Variants in PCDHA1 observed in about 807,000 individuals in gnomAD.
PCDHA1 encodes protocadherin alpha 1, also known as protocadherin alpha-1.
A neutral mutation model predicts 61.3 loss-of-function variants in PCDHA1; 42 were observed. The ratio of observed to expected loss-of-function variants is 0.69; its 90% CI spans 0.54 to 0.89. The LOEUF is 0.89. PCDHA1 is among the 40% of genes least tolerant of loss of function. The probability of loss-of-function intolerance (pLI) is 0.00; values close to 1 mark genes in which losing one functional copy is unlikely to be tolerated. For missense variants in PCDHA1, 1,256 were observed against 1,235.3 expected, an observed-to-expected ratio of 1.02 and a Z score of -0.25; for synonymous variants, 610 against 553.8, an observed-to-expected ratio of 1.10 and a Z score of -1.43.
intron 1 of PCDHA1, chr5:140,876,688 T>A (rs1382110439): frequency 2.5e-6 from 4 of 1,614,172 alleles, no homozygotes; most frequent in Non-Finnish European, 3.4e-6. Context: ...GAATTACTAC[T>A]CGTTGGTGCT....
At chr5:140,945,761 G>T (rs2093839627) in intron 1 of PCDHA1, among the ~76,000 whole-genome samples, 1 of 152,118 alleles carries the variant, frequency 6.6e-6, no homozygotes, top group East Asian at 1.9e-4. Flanking sequence ...AATGGTGGTG[G>T]GACAATTTGA....
chr5:140,928,792 G>A (rs1190569981), intron 1 of PCDHA1: 2 of 1,614,048 alleles, frequency 1.2e-6, no homozygotes, highest in Non-Finnish European at 1.7e-6. Context: ...TAAGCAGAGG[G>A]TGGTGGTAGT....
chr5:140,914,364 A>T lies in PCDHA1; in HGVS notation c.2395-64585A>T, dbSNP rs1256559741. 2.0e-5 allele frequency among the ~76,000 whole-genome samples: 3 copies of T among 152,096 alleles called. No individual in the cohort carries two copies. The East Asian group carries it at 5.8e-4, about 29-fold the overall frequency. On this transcript the variant is annotated intron_variant, in intron 1 of 3. Transcript: ENST00000504120. ...CTCTTTTTGGAGTTTTTGTCTTGAG[A>T]TCTATTTTATCTGTTATAAGTGTAG...
At chr5:140,805,345 T>C (rs1763549365) in intron 1 of PCDHA1, 1 of 1,219,244 alleles carries the variant, frequency 8.2e-7, no homozygotes, top group Non-Finnish European at 1.0e-6. Flanking sequence ...GATCATTTTG[T>C]AAAAATATAG....
chr5:140,938,875 C>T (rs2092238013), intron 1 of PCDHA1, among the ~76,000 whole-genome samples: 1 of 151,912 alleles, frequency 6.6e-6, no homozygotes. Flanking sequence ...AGTTAAGAAG[C>T]AACACACACA....
At chr5:140,942,600 T>A (rs943278532) in intron 1 of PCDHA1, among the ~76,000 whole-genome samples, 2 of 132,144 alleles carry the variant, frequency 1.5e-5, no homozygotes, top group African/African-American at 6.2e-5. Flanking sequence ...ATAATTATAG[T>A]GTTTATATTT....
chr5:140,979,130 A>C, intron 2 of PCDHA1, 123 bp downstream of exon 2: 1 of 1,473,242 alleles, frequency 6.8e-7, no homozygotes, highest in Admixed American at 2.7e-5. Flanking sequence ...TTTGCCAGGA[A>C]AATGCAATTA....
At chr5:141,005,095 A>T (rs1554259887) in intron 3 of PCDHA1, among the ~76,000 whole-genome samples, 1 of 152,192 alleles carries the variant, frequency 6.6e-6, no homozygotes, top group South Asian at 2.1e-4. Flanking sequence ...CTTTACATGC[A>T]TTACATCATT....
intron 1 of PCDHA1, among the ~76,000 whole-genome samples, chr5:140,821,045 G>C (rs1445843647): frequency 1.3e-5 from 2 of 151,900 alleles, no homozygotes; most frequent in African/African-American, 4.8e-5. Context: ...AGAAACTCAG[G>C]TAAGAATGCC....
intron 1 of PCDHA1, chr5:140,967,750 C>G (rs782284231): frequency 6.2e-7 from 1 of 1,614,190 alleles, no homozygotes; most frequent in South Asian, 1.1e-5. Flanking sequence ...ATGAGGAAGC[C>G]TCCTCCTACC....
chr5:140,797,371 C>A (rs1762219904), intron 1 of PCDHA1: 2 of 1,605,614 alleles, frequency 1.2e-6, no homozygotes, highest in African/African-American at 1.3e-5. Context: ...TTTACTTTTT[C>A]TTGCCAATTC....
rs186341301 is a variant in PCDHA1 at position 140,890,770 on chromosome 5, A to G, written c.2395-88179A>G. Among the ~76,000 whole-genome samples the G allele has an allele frequency of 8.0e-3, 1,216 of 152,240 alleles. 6 individuals are homozygous for G. Among genetic ancestry groups the G allele is most frequent in the African/African-American group, 0.019 (786 of 41,520 alleles). On this transcript the variant is annotated intron_variant, in intron 1 of 3. Transcript: ENST00000504120. Reference sequence around the variant, plus strand: ...CTGTCATGCTTTAAAAATATTTTAAAACCCCATAAGATATTAGTATTATTT... The same window carrying G: ...CTGTCATGCTTTAAAAATATTTTAAGACCCCATAAGATATTAGTATTATTT...
intron 3 of PCDHA1, among the ~76,000 whole-genome samples, chr5:140,985,288 A>G (rs1007960248): frequency 1.3e-5 from 2 of 152,112 alleles, no homozygotes; most frequent in African/African-American, 4.8e-5. Flanking sequence ...AATCTATGAT[A>G]TAGTGTTGGC....
chr5:140,875,260 C>T (rs2153321792), intron 1 of PCDHA1: 1 of 1,109,124 alleles, frequency 9.0e-7, no homozygotes, highest in Non-Finnish European at 1.2e-6. Context: ...CACATGATGT[C>T]GCTCTACACT....
chr5:140,851,180 A>C lies in PCDHA1; in HGVS notation c.2394+62496A>C, dbSNP rs554158546. 42 of 1,251,052 alleles carry C rather than the reference A, an allele frequency of 3.4e-5. 2 individuals are homozygous for C. In the African/African-American group the frequency reaches 5.9e-4, roughly 18 times the overall value. 77.5% of individuals were successfully genotyped at this position (1,251,052 alleles called of 1,614,324 possible). On this transcript the variant is annotated intron_variant, in intron 1 of 3. Coordinates refer to ENST00000504120, the MANE Select transcript of PCDHA1 (RefSeq NM_018900.4). Reference sequence around the variant, plus strand: ...ATGCTATGCTGCCATAACACTTGAAAACCAATTTAGTTGTTAGTCATTCAT... The same window carrying C: ...ATGCTATGCTGCCATAACACTTGAACACCAATTTAGTTGTTAGTCATTCAT...
chr5:140,827,185 C>G (rs1368140557), intron 1 of PCDHA1, among the ~76,000 whole-genome samples: 1 of 151,946 alleles, frequency 6.6e-6, no homozygotes, highest in Non-Finnish European at 1.5e-5. Flanking sequence ...AAGTCTTATT[C>G]AAAACTTGGA....
At chr5:140,891,504 A>G (rs1225432214) in intron 1 of PCDHA1, among the ~76,000 whole-genome samples, 1 of 151,662 alleles carries the variant, frequency 6.6e-6, no homozygotes, top group Non-Finnish European at 1.5e-5. Context: ...CTCAGCTATA[A>G]TGTTCTCCAA....
Position 140,972,810 on chromosome 5 carries a change from C to T in PCDHA1, c.2395-6139C>T, listed in dbSNP as rs546110006. 7.2e-5 allele frequency among the ~76,000 whole-genome samples: 11 copies of T among 151,984 alleles called. No homozygotes were observed. In the East Asian group the frequency reaches 9.7e-4, roughly 13 times the overall value. On this transcript the variant is annotated intron_variant, in intron 1 of 3. Transcript: ENST00000504120. ...TCCTGAGTAGCTGAGATTACAGGCA[C>T]GCGCCACCACGCCTGGCTAATTTTT...
chr5:140,994,217 T>G (rs781792763), intron 3 of PCDHA1, among the ~76,000 whole-genome samples: 2 of 152,110 alleles, frequency 1.3e-5, no homozygotes, highest in Non-Finnish European at 2.9e-5. Flanking sequence ...GGACCCAGGG[T>G]CTGTCTATGT....
Sources: gnomAD v4.1 joint callset for allele counts (sites outside exome capture counted in the v4.1 genomes callset) on GRCh38, gnomAD v4.1.1 for gene constraint, MANE v1.5 for transcripts, NCBI Gene and HGNC (gene_info 2026-07-23, HGNC 2026-07-21) for gene names.